The following EPHA5 variants were observed in gnomAD, a reference collection of about 807,000 sequenced individuals.
EPHA5 encodes EPH receptor A5.
EPHA5 carries 60 observed loss-of-function variants against 105.0 expected under a neutral mutation model. The ratio of observed to expected loss-of-function variants is 0.57; its 90% confidence interval spans 0.46 to 0.71. The LOEUF is 0.71. Among genes scored for constraint, EPHA5 ranks in the 30% least tolerant of loss-of-function variants. The pLI is 0.00. For missense variants in EPHA5, 1,218 were observed against 1,274.7 expected (o/e 0.96, Z 0.68); for synonymous variants, 513 against 449.1 (o/e 1.14, Z -1.80).
At chr4:65,655,926 A>C (rs1328413333) in intron 1 of EPHA5, among the ~76,000 whole-genome samples, 3 of 152,126 alleles carry the variant, frequency 2.0e-5, no homozygotes, top group African/African-American at 7.2e-5. Flanking sequence ...CTTCCATACA[A>C]CATTCCTTTT....
At chr4:65,421,225 TTA>T (rs1296394880) in intron 5 of EPHA5, among the ~76,000 whole-genome samples, 2 of 152,134 alleles carry the variant, frequency 1.3e-5, no homozygotes, top group Non-Finnish European at 2.9e-5. Flanking sequence ...AAAATAGGAC[TTA>T]TATATCTGCT....
At chr4:65,550,852 C>A (rs1467026965) in intron 3 of EPHA5, among the ~76,000 whole-genome samples, 1 of 151,618 alleles carries the variant, frequency 6.6e-6, no homozygotes, top group African/African-American at 2.4e-5. Flanking sequence ...AAAACAAAAA[C>A]AAAAACAAAA....
chr4:65,668,484 T>C (rs1750153414), intron 1 of EPHA5, among the ~76,000 whole-genome samples: 1 of 152,154 alleles, frequency 6.6e-6, no homozygotes, highest in Non-Finnish European at 1.5e-5. Context: ...TCTGAGATAC[T>C]GTTCCCGCCC....
chr4:65,325,479 C>T (rs1183517768), intron 16 of EPHA5, among the ~76,000 whole-genome samples: 2 of 150,950 alleles, frequency 1.3e-5, no homozygotes, highest in East Asian at 3.9e-4. Context: ...CAAAAAAATG[C>T]TATTGATATT....
At chr4:65,480,519 T>C (rs776090524) in intron 5 of EPHA5, among the ~76,000 whole-genome samples, 31 of 152,208 alleles carry the variant, frequency 2.0e-4, no homozygotes, top group Non-Finnish European at 3.5e-4. Context: ...TTTGGCTTTC[T>C]GCTGATGAAA....
At chr4:65,574,046 T>C (rs1740528427) in intron 3 of EPHA5, 1 of 1,599,582 alleles carries the variant, frequency 6.3e-7, no homozygotes, top group Non-Finnish European at 8.6e-7. Context: ...AATTTGTCAT[T>C]GCCACCTCAA....
At chr4:65,505,046 T>C (rs1316108789) in intron 3 of EPHA5, among the ~76,000 whole-genome samples, 1 of 152,034 alleles carries the variant, frequency 6.6e-6, no homozygotes, top group African/African-American at 2.4e-5. Flanking sequence ...AAATGTAAGC[T>C]TGTCTATGTG....
intron 2 of EPHA5, among the ~76,000 whole-genome samples, chr4:65,630,527 G>A (rs1324906233): frequency 2.6e-5 from 4 of 152,136 alleles, no homozygotes; most frequent in Non-Finnish European, 2.9e-5. Flanking sequence ...CCAAGTCAAA[G>A]GTCATCAGTG....
intron 2 of EPHA5, among the ~76,000 whole-genome samples, chr4:65,608,419 G>A (rs897920803): frequency 2.0e-5 from 3 of 151,740 alleles, no homozygotes; most frequent in Non-Finnish European, 4.4e-5. Flanking sequence ...CAGGAGAATG[G>A]CATGAACCCA....
At chr4:65,625,624 A>G (rs1294063651) in intron 2 of EPHA5, among the ~76,000 whole-genome samples, 2 of 152,200 alleles carry the variant, frequency 1.3e-5, no homozygotes, top group Admixed American at 6.5e-5. Context: ...GCAAAAGAAC[A>G]TGGAAAAAAT....
chr4:65,623,193 G>A (rs1745854090), intron 2 of EPHA5, among the ~76,000 whole-genome samples: 1 of 151,908 alleles, frequency 6.6e-6, no homozygotes, highest in Admixed American at 6.6e-5. Flanking sequence ...ACAAAAGGCT[G>A]TCAACATATA....
At chr4:65,331,551 C>G in intron 16 of EPHA5, 1 of 1,055,306 alleles carries the variant, frequency 9.5e-7, no homozygotes. Flanking sequence ...TGATATTCAT[C>G]GTAGAGAGCC....
chr4:65,331,377 AACGTGCAAACAG>A, intron 16 of EPHA5: 1 of 1,042,098 alleles, frequency 9.6e-7, no homozygotes, highest in Non-Finnish European at 1.2e-6. Context: ...TTTTATCTTA[AACGTGCAAACAG>A]AAAAGGGCAC....
At chr4:65,368,046 GA>G (rs199893201) in intron 8 of EPHA5, among the ~76,000 whole-genome samples, 2 of 151,430 alleles carry the variant, frequency 1.3e-5, no homozygotes, top group East Asian at 3.9e-4. Context: ...TTATTACTAG[GA>G]AAAAAAATCT....
rs1244540657 is a variant in EPHA5, at chr4:65,612,034, A to AAAG, written c.247-9731_247-9730insCTT. ...CCTCTCTCAAAAAAAAAAAAAAAAAAAAAAAGGAAAGAAAAGAAAAGAAAA... is the reference window on the plus strand; with the variant it reads ...CCTCTCTCAAAAAAAAAAAAAAAAAAAAGAAAAAGGAAAGAAAAGAAAAGAAAA... On this transcript the variant is annotated intron_variant, in intron 2 of 16. Coordinates refer to ENST00000613740, the MANE Select transcript of EPHA5 (RefSeq NM_001281766.3). Among the ~76,000 whole-genome samples the AAAG allele has an allele frequency of 2.3e-5, 3 of 133,136 alleles. No individual in the cohort carries two copies. The Admixed American group carries it at 2.3e-4, about 10-fold the overall frequency. 87.3% of individuals were successfully genotyped at this position (133,136 alleles called of 152,430 possible). A position where few individuals can be genotyped will look rare whatever the true frequency, so the allele number is the denominator to read the frequency against.
At chr4:65,363,182 A>G (rs1560454759) in intron 11 of EPHA5, among the ~76,000 whole-genome samples, 1 of 151,620 alleles carries the variant, frequency 6.6e-6, no homozygotes, top group Admixed American at 6.6e-5. Context: ...GGAGAAGTTC[A>G]GAGCATAGGA....
intron 5 of EPHA5, among the ~76,000 whole-genome samples, chr4:65,440,535 G>C (rs1005794783): frequency 6.7e-5 from 4 of 59,892 alleles, no homozygotes; most frequent in Admixed American, 3.4e-4. Context: ...CACACACACA[G>C]AGGGAGGAAT....
intron 8 of EPHA5, among the ~76,000 whole-genome samples, chr4:65,393,424 C>T (rs1441027971): frequency 6.6e-6 from 1 of 152,160 alleles, no homozygotes; most frequent in Non-Finnish European, 1.5e-5. Context: ...AAAGTCAAAT[C>T]TGTGTTCAAC....
chr4:65,603,061 A>G (rs1743894473), intron 2 of EPHA5, among the ~76,000 whole-genome samples: 1 of 152,074 alleles, frequency 6.6e-6, no homozygotes, highest in Non-Finnish European at 1.5e-5. Flanking sequence ...TTCTTGCGAT[A>G]TGTTGGGACC....
Sources: allele counts gnomAD v4.1 joint callset (sites outside exome capture counted in the v4.1 genomes callset), GRCh38; gene constraint gnomAD v4.1.1; transcripts MANE v1.5; gene names NCBI Gene and HGNC (gene_info 2026-07-23, HGNC 2026-07-21).